Variants in ZFP64 observed in about 807,000 individuals in gnomAD.
The protein encoded by ZFP64 is ZFP64 zinc finger protein, also known as zinc finger protein 64.
In ZFP64, 14 loss-of-function variants were observed where a neutral mutation model predicts 51.6. That is an observed-to-expected ratio of 0.27 (90% CI 0.18 to 0.42). The LOEUF is 0.42. Ranked by LOEUF, ZFP64 falls within the 10% of genes least tolerant of loss-of-function variation. ZFP64 has a pLI of 1.00. For synonymous variants in ZFP64, 375 were observed against 361.4 expected, an observed-to-expected ratio of 1.04 and a Z score of -0.43; for missense variants, 754 against 906.8, an observed-to-expected ratio of 0.83 and a Z score of 2.16.
chr20:52,182,936 A>T (rs951704043), intron 2 of ZFP64, among the ~76,000 whole-genome samples: 3 of 152,136 alleles, frequency 2.0e-5, no homozygotes, highest in Non-Finnish European at 4.4e-5. Flanking sequence ...TCTATTAATC[A>T]TTTAAATATG....
intron 5 of ZFP64, among the ~76,000 whole-genome samples, chr20:52,109,350 G>T (rs970378270): frequency 1.3e-5 from 2 of 152,050 alleles, no homozygotes; most frequent in Admixed American, 6.5e-5. Context: ...TTTTAGTAGA[G>T]ACGGGGTTTC....
Position 52,152,031 on chromosome 20 carries a change from C to T in ZFP64, c.*115G>A. Reference sequence around the variant, plus strand: ...CAGCCTGGGAAACAGAGCGAGACTCCGTCTCAAAAACAAAACAAAACAAAG... The same window carrying T: ...CAGCCTGGGAAACAGAGCGAGACTCTGTCTCAAAAACAAAACAAAACAAAG... On this transcript the variant is annotated 3_prime_UTR_variant, in exon 6 of 6. Coordinates refer to ENST00000216923, the MANE Select transcript of ZFP64 (RefSeq NM_018197.3). 6.9e-7 allele frequency: 1 copy of T among 1,451,996 alleles called. No individual in the cohort carries two copies. Among genetic ancestry groups the T allele is most frequent in the Non-Finnish European group, 9.1e-7 (1 of 1,102,970 alleles). 89.9% of individuals were successfully genotyped at this position (1,451,996 alleles called of 1,614,324 possible).
intron 6 of ZFP64, among the ~76,000 whole-genome samples, chr20:52,098,171 CCA>C (rs2079011834): frequency 1.9e-5 from 1 of 51,634 alleles, no homozygotes; most frequent in African/African-American, 1.1e-4. Flanking sequence ...GAAACTGTCT[CCA>C]AAAAAAAAAA....
rs1401326694 is a variant in ZFP64, at chr20:52,153,208, G to A, written c.984C>T (p.Ala328=). The A allele has an allele frequency of 6.2e-7, 1 of 1,614,202 alleles. No homozygotes were observed. The highest frequency in any genetic ancestry group is 1.1e-5 in the South Asian group (1 of 91,084). Residue 328 remains alanine, a synonymous_variant, in exon 6 of 6, where the codon GCC becomes GCT. Coordinates refer to ENST00000216923, the MANE Select transcript of ZFP64 (RefSeq NM_018197.3). This position sits in a 1 kb window ranked among gnomAD's most constrained non-coding sequence, Gnocchi z 5.1. ...PHCDFLGDSK[A]TLRKHSRVHQ... Reference sequence around the variant, plus strand: ...GCACGCGGCTGTGCTTCCGGAGGGTGGCTTTGCTGTCACCCAGGAAGTCGC... The same window carrying A: ...GCACGCGGCTGTGCTTCCGGAGGGTAGCTTTGCTGTCACCCAGGAAGTCGC...
chr20:52,111,327 C>T (rs1379466307), intron 5 of ZFP64, among the ~76,000 whole-genome samples: 1 of 151,358 alleles, frequency 6.6e-6, no homozygotes, highest in African/African-American at 2.4e-5. Flanking sequence ...AGTGATTCTC[C>T]TGCCTCAGCC....
intron 5 of ZFP64, among the ~76,000 whole-genome samples, chr20:52,109,180 T>G (rs1978415411): frequency 6.6e-6 from 1 of 151,844 alleles, no homozygotes; most frequent in South Asian, 2.1e-4. Flanking sequence ...AGACGGAGTC[T>G]CACTTTGTCG....
intron 5 of ZFP64, chr20:52,105,369 G>A: frequency 8.1e-7 from 1 of 1,240,186 alleles, no homozygotes; most frequent in South Asian, 3.9e-5. Flanking sequence ...CAGCCGAGCA[G>A]GGCGATTTAT....
At chr20:52,123,604 C>T (rs139433577) in intron 5 of ZFP64, among the ~76,000 whole-genome samples, 1 of 152,224 alleles carries the variant, frequency 6.6e-6, no homozygotes, top group Non-Finnish European at 1.5e-5. Context: ...AAGGCATGTA[C>T]ACTGTTTTTT....
At chr20:52,155,975 C>T (rs114515228) in intron 5 of ZFP64, among the ~76,000 whole-genome samples, 1,712 of 152,290 alleles carry the variant, frequency 0.011, 26 homozygotes, top group African/African-American at 0.039. Context: ...GAACATTCCA[C>T]GAAGACCATG....
rs1293176862 is a variant in ZFP64, at chr20:52,119,726, T to A, written c.764-21139A>T. Reference sequence around the variant, plus strand: ...GTTGCAGTGACAGAGAAAGACTCTGTCTCAAAACAAACAAAAAAACAACCA... The same window carrying A: ...GTTGCAGTGACAGAGAAAGACTCTGACTCAAAACAAACAAAAAAACAACCA... On this transcript the variant is annotated intron_variant, in intron 5 of 8. Coordinates refer to the ZFP64 transcript ENST00000361387. Among the ~76,000 whole-genome samples, 4 of 150,848 alleles carry A rather than the reference T, an allele frequency of 2.7e-5. No homozygotes were observed. In the East Asian group the frequency reaches 7.8e-4, roughly 30 times the overall value.
chr20:52,163,589 C>A (rs1463166554), intron 4 of ZFP64, among the ~76,000 whole-genome samples: 3 of 152,096 alleles, frequency 2.0e-5, no homozygotes, highest in Non-Finnish European at 2.9e-5. Flanking sequence ...ATGATGGTGA[C>A]CCCAGTGCAA....
chr20:52,108,714 C>G (rs757054305), intron 5 of ZFP64, among the ~76,000 whole-genome samples: 2 of 151,774 alleles, frequency 1.3e-5, no homozygotes, highest in Non-Finnish European at 2.9e-5. Context: ...TTCACCATGT[C>G]GGCCAGGCTG....
chr20:52,170,794 C>CA (rs1376520170), intron 2 of ZFP64, among the ~76,000 whole-genome samples: 1 of 152,178 alleles, frequency 6.6e-6, no homozygotes, highest in Non-Finnish European at 1.5e-5. Context: ...CTGTTCTAAG[C>CA]ACTAGAAACA....
chr20:52,092,493 T>C (rs947592810), intron 7 of ZFP64, among the ~76,000 whole-genome samples: 1 of 152,208 alleles, frequency 6.6e-6, no homozygotes, highest in Non-Finnish European at 1.5e-5. Flanking sequence ...CCAATAAATT[T>C]AGAAGACTCA....
At chr20:52,091,880 C>G (rs2078931276) in intron 7 of ZFP64, among the ~76,000 whole-genome samples, 1 of 151,544 alleles carries the variant, frequency 6.6e-6, no homozygotes. Context: ...ATCCCAGCTA[C>G]TTGGGAAGCT....
At chr20:52,171,788 C>T (rs1397429741) in intron 2 of ZFP64, among the ~76,000 whole-genome samples, 2 of 150,480 alleles carry the variant, frequency 1.3e-5, no homozygotes, top group Non-Finnish European at 2.9e-5. Context: ...CGCTCTGTCA[C>T]CCAGGCTGGA....
Position 52,151,411 on chromosome 20 carries a change from G to A in ZFP64, c.*735C>T, listed in dbSNP as rs1755527086. 2 of 985,148 alleles carry A rather than the reference G, an allele frequency of 2.0e-6. No homozygotes were observed. Among genetic ancestry groups the A allele is most frequent in the Non-Finnish European group, 2.4e-6 (2 of 829,922 alleles). The allele number at this position is 985,148 out of a possible 1,614,324, so 61.0% of individuals were successfully genotyped here. On this transcript the variant is annotated 3_prime_UTR_variant, in exon 6 of 6. Coordinates refer to ENST00000216923, the MANE Select transcript of ZFP64 (RefSeq NM_018197.3). ...GTCCTTCATGCCAACAGACTTACATGTATAAAACATGAACACCCCCAAACT... is the reference window on the plus strand; with the variant it reads ...GTCCTTCATGCCAACAGACTTACATATATAAAACATGAACACCCCCAAACT...
intron 2 of ZFP64, among the ~76,000 whole-genome samples, chr20:52,179,668 C>T (rs1446745795): frequency 6.6e-6 from 1 of 152,234 alleles, no homozygotes; most frequent in East Asian, 1.9e-4. Flanking sequence ...TTCCCCATGT[C>T]ATTGTCCTCT....
intron 5 of ZFP64, among the ~76,000 whole-genome samples, chr20:52,101,222 T>C (rs1484303882): frequency 2.0e-5 from 3 of 152,180 alleles, no homozygotes; most frequent in African/African-American, 7.2e-5. Flanking sequence ...CCAATGTTTC[T>C]TCCAAGTGTA....
Sources: allele counts gnomAD v4.1 joint callset (sites outside exome capture counted in the v4.1 genomes callset), GRCh38; gene constraint gnomAD v4.1.1; non-coding constraint Gnocchi (gnomAD v3.1); transcripts MANE v1.5; gene names NCBI Gene and HGNC (gene_info 2026-07-23, HGNC 2026-07-21).